Variants in ARAP2 observed in about 807,000 individuals in gnomAD.
ARAP2 encodes arf-GAP with Rho-GAP domain, ANK repeat and PH domain-containing protein 2.
ARAP2 carries 148 observed loss-of-function variants against 194.5 expected under a neutral mutation model. The ratio of observed to expected loss-of-function variants is 0.76; its 90% confidence interval spans 0.67 to 0.87. The LOEUF (loss-of-function observed/expected upper bound fraction) is 0.87. Among genes scored for constraint, ARAP2 ranks in the 40% least tolerant of loss-of-function variants. The pLI is 0.00. For missense variants in ARAP2, 2,128 were observed against 1,989.7 expected, an observed-to-expected ratio of 1.07 and a Z score of -1.32; for synonymous variants, 695 against 683.5, an observed-to-expected ratio of 1.02 and a Z score of -0.26.
At chr4:36,222,990 C>T (rs1450384391) in intron 2 of ARAP2, among the ~76,000 whole-genome samples, 1 of 152,022 alleles carries the variant, frequency 6.6e-6, no homozygotes, top group African/African-American at 2.4e-5. Flanking sequence ...GTATTGCACT[C>T]CTTTTTCCCT....
intron 5 of ARAP2, among the ~76,000 whole-genome samples, chr4:36,020,138 C>T (rs938426011): frequency 3.3e-5 from 5 of 152,136 alleles, no homozygotes; most frequent in African/African-American, 7.2e-5. Context: ...AGACAGGGTG[C>T]GGCAGCTCAT....
At chr4:36,096,746 A>G (rs1420118568) in intron 27 of ARAP2, among the ~76,000 whole-genome samples, 3 of 152,116 alleles carry the variant, frequency 2.0e-5, no homozygotes, top group Non-Finnish European at 4.4e-5. Context: ...TACTGCTAAA[A>G]TTTGTCTTCT....
At chr4:36,193,782 T>C (rs1742481345) in intron 6 of ARAP2, 135 bp from the exon 7 acceptor site, 1 of 636,030 alleles carries the variant, frequency 1.6e-6, no homozygotes, top group South Asian at 3.3e-5. Flanking sequence ...GCTATGATAA[T>C]ACACAGTTTT....
In ARAP2 at chr4:36,119,723, T is replaced by G. The variant is rs1722236875; in HGVS notation, c.3895-5A>C. On this transcript the variant is annotated splice_region_variant and splice_polypyrimidine_tract_variant and intron_variant, in intron 23 of 32. Transcript: ENST00000303965. ...TTTGACTTGATCTTCTTTAACCTGT[T>G]TAAAATATAATTCGGGACATTCTAA... 1 of 1,582,380 alleles carries G rather than the reference T, an allele frequency of 6.3e-7. No homozygotes were observed. Among genetic ancestry groups the G allele is most frequent in the Non-Finnish European group, 8.7e-7 (1 of 1,154,670 alleles).
In ARAP2 at chr4:36,212,269, G is replaced by A. The variant is rs1746923354; in HGVS notation, c.1133+127C>T. The A allele has an allele frequency of 1.3e-5, 9 of 686,642 alleles. No individual in the cohort carries two copies. In the South Asian group the frequency reaches 2.0e-4, roughly 15 times the overall value. The allele number at this position is 686,642 out of a possible 1,614,324, so 42.5% of individuals were successfully genotyped here. ...GTGCTGCTATGCTTACATTTAGAGA[G>A]GAAAAAATTGAACTTATCACCATAA... On this transcript the variant is annotated intron_variant, in intron 5 of 32. Transcript: ENST00000303965.
At position 36,226,087 on chromosome 4, in the gene ARAP2, G is replaced by A. The variant is rs77176140; in HGVS notation, c.905+2495C>T. Among the ~76,000 whole-genome samples, 703 of 152,016 alleles carry A rather than the reference G, an allele frequency of 4.6e-3. 8 individuals carry two copies. Among genetic ancestry groups the A allele is most frequent in the African/African-American group, 0.016 (669 of 41,466 alleles). ...ATGATCTGAGCACCACAAAAGCAATGCTGCTATTAACTACCATAATCAAAG... is the reference window on the plus strand; with the variant it reads ...ATGATCTGAGCACCACAAAAGCAATACTGCTATTAACTACCATAATCAAAG... On this transcript the variant is annotated intron_variant, in intron 2 of 32. Coordinates refer to ENST00000303965, the MANE Select transcript of ARAP2 (RefSeq NM_015230.4).
At chr4:36,170,368 G>A (rs1433517763) in intron 9 of ARAP2, among the ~76,000 whole-genome samples, 1 of 152,178 alleles carries the variant, frequency 6.6e-6, no homozygotes, top group Admixed American at 6.5e-5. Context: ...TGAGAGGATT[G>A]CTTGAGGCCA....
intron 19 of ARAP2, among the ~76,000 whole-genome samples, chr4:36,136,816 T>TGTGCGTGC (rs1553916080): frequency 1.4e-5 from 2 of 145,170 alleles, no homozygotes; most frequent in Non-Finnish European, 3.0e-5. Flanking sequence ...TGTGTGTGTG[T>TGTGCGTGC]GTGCGTGTCT....
At chr4:36,086,610 C>T (rs931547112) in intron 28 of ARAP2, among the ~76,000 whole-genome samples, 1 of 152,092 alleles carries the variant, frequency 6.6e-6, no homozygotes, top group African/African-American at 2.4e-5. Flanking sequence ...GTGTAACTTA[C>T]AGAGAATTTC....
chr4:36,049,296 CA>C (rs1456424436), intron 3 of ARAP2, among the ~76,000 whole-genome samples: 1 of 151,860 alleles, frequency 6.6e-6, no homozygotes, highest in Non-Finnish European at 1.5e-5. Context: ...TTTGCTTTTC[CA>C]AAAAAAGAAA....
intron 2 of ARAP2, among the ~76,000 whole-genome samples, chr4:36,224,930 C>A (rs1441049039): frequency 1.3e-5 from 2 of 152,128 alleles, no homozygotes; most frequent in African/African-American, 4.8e-5. Flanking sequence ...ATGCTGATTA[C>A]TTTTCTGTAC....
intron 27 of ARAP2, among the ~76,000 whole-genome samples, chr4:36,106,673 C>T (rs566419878): frequency 6.6e-6 from 1 of 151,812 alleles, no homozygotes. Flanking sequence ...CAATTCAATA[C>T]TTAGTAACTG....
At chr4:36,147,816 T>G (rs1469247473) in intron 17 of ARAP2, 70 bp from the exon 18 acceptor site, 2 of 1,227,752 alleles carry the variant, frequency 1.6e-6, no homozygotes, top group Admixed American at 2.9e-5. Context: ...TCTACTGATA[T>G]GAGAGAAGGT....
At chr4:36,010,366 C>T (rs879265024) in intron 9 of ARAP2, among the ~76,000 whole-genome samples, 10 of 152,066 alleles carry the variant, frequency 6.6e-5, no homozygotes, top group African/African-American at 9.6e-5. Flanking sequence ...TTCTATACAA[C>T]GGTCTAGTCC....
chr4:36,186,521 T>C (rs1204190160), intron 8 of ARAP2, among the ~76,000 whole-genome samples: 1 of 151,988 alleles, frequency 6.6e-6, no homozygotes, highest in Non-Finnish European at 1.5e-5. Context: ...AAAGCGGGGG[T>C]CCCCAAACCC....
At chr4:36,207,954 T>C (rs557274765) in intron 6 of ARAP2, among the ~76,000 whole-genome samples, 1 of 152,352 alleles carries the variant, frequency 6.6e-6, no homozygotes, top group East Asian at 1.9e-4. Flanking sequence ...GCTAGGTTTT[T>C]CACAGATTCG....
intron 32 of ARAP2, among the ~76,000 whole-genome samples, chr4:36,071,148 A>G (rs1440752622): frequency 6.6e-6 from 1 of 152,196 alleles, no homozygotes; most frequent in Non-Finnish European, 1.5e-5. Context: ...GAATTATTCC[A>G]TATCATCTTC....
chr4:36,204,335 A>G (rs1011496943), intron 6 of ARAP2, among the ~76,000 whole-genome samples: 2 of 152,232 alleles, frequency 1.3e-5, no homozygotes, highest in African/African-American at 2.4e-5. Context: ...TAAGATTTCT[A>G]AAACATAATA....
chr4:36,180,158 G>A (rs190659410), intron 8 of ARAP2, among the ~76,000 whole-genome samples: 226 of 152,168 alleles, frequency 1.5e-3, no homozygotes, highest in African/African-American at 4.7e-3. Context: ...AGTAATCCAA[G>A]CAACTCAGGA....
Sources: gnomAD v4.1 joint callset for allele counts (sites outside exome capture counted in the v4.1 genomes callset) on GRCh38, gnomAD v4.1.1 for gene constraint, MANE v1.5 for transcripts, NCBI Gene and HGNC (gene_info 2026-07-23, HGNC 2026-07-21) for gene names.